The following PRRG1 variants were observed in gnomAD, a reference collection of about 807,000 sequenced individuals.
The protein encoded by PRRG1 is proline rich and Gla domain 1.
In PRRG1, 5 loss-of-function variants were observed where a neutral mutation model predicts 11.8. That is an observed-to-expected ratio of 0.42 (90% confidence interval 0.22 to 0.89). The LOEUF (loss-of-function observed/expected upper bound fraction) is 0.89, where lower values mean the gene tolerates loss of function less well. PRRG1 is among the 40% of genes least tolerant of loss of function. The pLI, the probability that PRRG1 is intolerant of heterozygous loss-of-function variation, is 0.28. For synonymous variants in PRRG1, 66 were observed against 60.4 expected, an observed-to-expected ratio of 1.09 and a Z score of -0.43; for missense variants, 155 against 166.1, an observed-to-expected ratio of 0.93 and a Z score of 0.37.
At chrX:37,443,492 AAG>A (rs1431649996) in intron 3 of PRRG1, among the ~76,000 whole-genome samples, 1 of 111,909 alleles carries the variant, frequency 8.9e-6, no homozygotes, top group Non-Finnish European at 1.9e-5. Context: ...GAAAAAGTGT[AAG>A]AGAGAGTTTG....
chrX:37,416,589 TA>T (rs1421865809), intron 2 of PRRG1, among the ~76,000 whole-genome samples: 1 of 112,111 alleles, frequency 8.9e-6, no homozygotes, highest in Non-Finnish European at 1.9e-5. Flanking sequence ...AGAGTAGAAC[TA>T]GCTATCTTTG....
intron 2 of PRRG1, among the ~76,000 whole-genome samples, chrX:37,425,586 G>A (rs1342506952): frequency 8.9e-6 from 1 of 111,990 alleles, no homozygotes; most frequent in African/African-American, 3.2e-5. Flanking sequence ...ATGGTTTGCA[G>A]GAATGTGCTG....
intron 1 of PRRG1, among the ~76,000 whole-genome samples, chrX:37,375,721 T>A (rs1441175446): frequency 1.8e-5 from 2 of 110,956 alleles, no homozygotes; most frequent in Non-Finnish European, 3.8e-5. Flanking sequence ...AGAAAGAGAA[T>A]GTTCTTGAGT....
intron 3 of PRRG1, among the ~76,000 whole-genome samples, chrX:37,429,313 T>C (rs781849430): frequency 8.0e-5 from 9 of 112,323 alleles, no homozygotes; most frequent in Non-Finnish European, 1.1e-4. Context: ...TCCAAACTTT[T>C]ATGCTCTGTT....
intron 2 of PRRG1, 51 bp downstream of exon 2, chrX:37,406,310 T>C (rs781930193): frequency 9.1e-7 from 1 of 1,094,943 alleles, no homozygotes; most frequent in Non-Finnish European, 1.3e-6. Flanking sequence ...ATAGCTATTA[T>C]AGTCAGGAAA....
At chrX:37,391,160 G>T (rs189681611) in intron 1 of PRRG1, among the ~76,000 whole-genome samples, 3 of 112,090 alleles carry the variant, frequency 2.7e-5, no homozygotes, top group African/African-American at 9.7e-5. Flanking sequence ...TAGCCTGGGA[G>T]GTGGGTTTGG....
rs1556381961 is a variant in PRRG1 at position 37,406,195 on chromosome X, T to C, written c.-41-14T>C. ...TATCAATCTGACTGTGTGTATGTGCTCTGTTTTGTACAGGGAATCATCATC... is the reference window on the plus strand; with the variant it reads ...TATCAATCTGACTGTGTGTATGTGCCCTGTTTTGTACAGGGAATCATCATC... On this transcript the variant is annotated splice_polypyrimidine_tract_variant and intron_variant, in intron 1 of 3. Coordinates refer to ENST00000378628, the MANE Select transcript of PRRG1 (RefSeq NM_001142395.2). 8.3e-7 allele frequency: 1 copy of C among 1,205,400 alleles called. No individual in the cohort carries two copies. The highest frequency in any genetic ancestry group is 1.1e-6 in the Non-Finnish European group (1 of 892,351).
chrX:37,352,110 CCTT>C (rs1372664439), intron 1 of PRRG1, among the ~76,000 whole-genome samples: 2 of 111,940 alleles, frequency 1.8e-5, no homozygotes, highest in East Asian at 2.8e-4. Flanking sequence ...TCACCTCCAG[CCTT>C]CTTCTCCTGA....
chrX:37,441,675 C>T, intron 3 of PRRG1: 1 of 800,404 alleles, frequency 1.2e-6, no homozygotes, highest in Non-Finnish European at 1.5e-6. Flanking sequence ...CCCTGGAGCA[C>T]TTTAGCCGCT....
chrX:37,356,830 C>A, intron 1 of PRRG1, among the ~76,000 whole-genome samples: 1 of 111,219 alleles, frequency 9.0e-6, no homozygotes, highest in Non-Finnish European at 1.9e-5. Context: ...TCTTCACATA[C>A]ACAACCTCCT....
At chrX:37,353,431 T>G in intron 1 of PRRG1, among the ~76,000 whole-genome samples, 1 of 111,934 alleles carries the variant, frequency 8.9e-6, no homozygotes, top group East Asian at 2.8e-4. Context: ...TAAGGTTAAT[T>G]TATTATTGAA....
chrX:37,352,013 G>C (rs1334085656), intron 1 of PRRG1, among the ~76,000 whole-genome samples: 1 of 112,478 alleles, frequency 8.9e-6, no homozygotes, highest in Non-Finnish European at 1.9e-5. Context: ...CTGCCAAACT[G>C]TCTTTGACAT....
chrX:37,421,154 T>A (rs953579883), intron 2 of PRRG1, among the ~76,000 whole-genome samples: 28 of 112,063 alleles, frequency 2.5e-4, no homozygotes, highest in African/African-American at 8.7e-4. Flanking sequence ...GGATGAGAGC[T>A]TATTTATTTT....
intron 1 of PRRG1, among the ~76,000 whole-genome samples, chrX:37,380,809 C>G (rs1323053686): frequency 9.0e-6 from 1 of 111,265 alleles, no homozygotes; most frequent in Non-Finnish European, 1.9e-5. Flanking sequence ...CAGTTAGACT[C>G]CAGTATAAGG....
chrX:37,395,540 G>A (rs1239716375), intron 1 of PRRG1, among the ~76,000 whole-genome samples: 1 of 108,255 alleles, frequency 9.2e-6, no homozygotes, highest in African/African-American at 3.4e-5. Context: ...GCTTGAACCC[G>A]GGAGGCGGAG....
intron 1 of PRRG1, among the ~76,000 whole-genome samples, chrX:37,384,794 C>T (rs983843246): frequency 4.5e-5 from 5 of 111,617 alleles, no homozygotes; most frequent in African/African-American, 1.6e-4. Flanking sequence ...AAAGACAATA[C>T]CAAGAGTTTG....
At chrX:37,408,414 C>T (rs1473467434) in intron 2 of PRRG1, among the ~76,000 whole-genome samples, 1 of 111,767 alleles carries the variant, frequency 8.9e-6, no homozygotes, top group African/African-American at 3.3e-5. Flanking sequence ...TTGACATAGC[C>T]TGCGAGAAAA....
intron 3 of PRRG1, among the ~76,000 whole-genome samples, chrX:37,433,909 T>A (rs1246798187): frequency 8.9e-6 from 1 of 112,503 alleles, no homozygotes; most frequent in African/African-American, 3.2e-5. Flanking sequence ...CCATTTAGGA[T>A]AAGGTGTGCC....
chrX:37,450,008 T>C (rs1362615289), intron 3 of PRRG1, among the ~76,000 whole-genome samples: 1 of 112,928 alleles, frequency 8.9e-6, no homozygotes, highest in African/African-American at 3.2e-5. Flanking sequence ...CATATCAGTC[T>C]CTTTTCCAAA....
Sources: gnomAD v4.1 joint callset for allele counts (sites outside exome capture counted in the v4.1 genomes callset) on GRCh38, gnomAD v4.1.1 for gene constraint, MANE v1.5 for transcripts, NCBI Gene and HGNC (gene_info 2026-07-23, HGNC 2026-07-21) for gene names.